RIF1: variants seen among roughly 807,000 people sequenced by gnomAD.
The protein encoded by RIF1 is replication timing regulatory factor 1.
RIF1 carries 45 observed loss-of-function variants against 247.1 expected under a neutral mutation model. That is an observed-to-expected ratio of 0.18 (90% confidence interval 0.14 to 0.23). The LOEUF is 0.23. Ranked by LOEUF, RIF1 falls within the 10% of genes least tolerant of loss-of-function variation. The probability of loss-of-function intolerance (pLI) is 1.00; values close to 1 mark genes in which losing one functional copy is unlikely to be tolerated. For synonymous variants in RIF1, 1,087 were observed against 978.8 expected (o/e 1.11, Z -2.06); for missense variants, 2,967 against 2,862.5 (o/e 1.04, Z -0.83).
At chr2:151,416,528 T>A in intron 4 of RIF1, 33 bp from the exon 5 acceptor site, 2 of 1,559,950 alleles carry the variant, frequency 1.3e-6, no homozygotes, top group Non-Finnish European at 1.7e-6. Flanking sequence ...GTATCACCTA[T>A]TCTATACAAA....
chr2:151,421,633 C>T (rs1688181354), intron 7 of RIF1, among the ~76,000 whole-genome samples: 1 of 152,186 alleles, frequency 6.6e-6, no homozygotes, highest in African/African-American at 2.4e-5. Flanking sequence ...TGGTCTCGAA[C>T]TCCTGGGCTC....
chr2:151,474,995 T>G lies in RIF1; in HGVS notation c.7343T>G (p.Leu2448Arg). ...CAACTATTTGAAATGCACGAGAAAC[T>G]AAGTTGTATGGCAAACTCTGTAATA... ...GSQLFEMHEK[L>R]SCMANSVIKN... The change falls in exon 36 of 36, where the codon CTA (leucine) becomes CGA (arginine). Residue 2448 changes from leucine to arginine, a missense_variant. Around this residue, in one of 7 missense-constraint regions of RIF1, gnomAD observed 151 missense variants for 163.4 expected, o/e 0.92. Coordinates refer to ENST00000444746, the MANE Select transcript of RIF1 (RefSeq NM_018151.5). 1 of 1,613,692 alleles carries G rather than the reference T, an allele frequency of 6.2e-7. No individual in the cohort carries two copies. Among genetic ancestry groups the G allele is most frequent in the Non-Finnish European group, 8.5e-7 (1 of 1,179,672 alleles).
the RIF1 span, chr2:151,531,060 G>T: frequency 1.1e-5 from 18 of 1,613,420 alleles, no homozygotes; most frequent in Middle Eastern, 1.6e-4. Flanking sequence ...TTGTGGTGTA[G>T]CCTCTGGGTT....
chr2:151,426,517 C>T (rs756096357), intron 8 of RIF1, among the ~76,000 whole-genome samples: 3 of 151,824 alleles, frequency 2.0e-5, no homozygotes, highest in East Asian at 1.9e-4. Flanking sequence ...ATTTGACGAT[C>T]GACTTCTTTA....
At chr2:151,414,458 A>G (rs2152094840) in intron 3 of RIF1, among the ~76,000 whole-genome samples, 1 of 152,262 alleles carries the variant, frequency 6.6e-6, no homozygotes, top group East Asian at 1.9e-4. Context: ...CTCCACTCTA[A>G]AGCTAGGATG....
In RIF1 at chr2:151,446,535, C is replaced by G. The variant is rs771600022; in HGVS notation, c.2204C>G (p.Ser735Cys). 6 of 1,613,186 alleles carry G rather than the reference C, an allele frequency of 3.7e-6. No individual in the cohort carries two copies. Among genetic ancestry groups the G allele is most frequent in the East Asian group, 2.2e-5 (1 of 44,864 alleles). Reference protein sequence around the residue: ...AEENLCCEELSSKIMSSLEDE... With the variant: ...AEENLCCEELCSKIMSSLEDE... ...GAGAACTTGTGCTGTGAGGAACTTTCTTCCAAGATAATGTCCAGTTTGGAA... is the reference window on the plus strand; with the variant it reads ...GAGAACTTGTGCTGTGAGGAACTTTGTTCCAAGATAATGTCCAGTTTGGAA... Residue 735 changes from serine to cysteine, a missense_variant, in exon 20 of 36, where the codon TCT becomes TGT. Coordinates refer to ENST00000444746, the MANE Select transcript of RIF1 (RefSeq NM_018151.5).
downstream of RIF1, among the ~76,000 whole-genome samples, chr2:151,482,730 G>A (rs938261735): frequency 1.3e-5 from 2 of 152,158 alleles, no homozygotes; most frequent in Admixed American, 1.3e-4. Flanking sequence ...GTTTCCTAGG[G>A]CTGCTGTAAC....
intron 16 of RIF1, 23 bp downstream of exon 16, chr2:151,442,014 G>A: frequency 1.1e-6 from 1 of 948,352 alleles, no homozygotes; most frequent in Non-Finnish European, 1.5e-6. Context: ...AATGTAATAT[G>A]ATGAAGATTG....
intron 8 of RIF1, among the ~76,000 whole-genome samples, chr2:151,425,144 T>A (rs1233847609): frequency 6.6e-6 from 1 of 152,160 alleles, no homozygotes; most frequent in Non-Finnish European, 1.5e-5. Context: ...TGCATTTCTC[T>A]GATTACTAGT....
rs747873337 is a variant in RIF1 at position 151,503,349 on chromosome 2, C to T, written c.*861+164C>T. 20 of 1,600,084 alleles carry T rather than the reference C, an allele frequency of 1.2e-5. No individual in the cohort carries two copies. The highest frequency in any genetic ancestry group is 4.4e-5 in the South Asian group (4 of 90,254). On this transcript the variant is annotated intron_variant and NMD_transcript_variant, in intron 12 of 13. Coordinates refer to the RIF1 transcript ENST00000454583. ...TCTTATATGATATATTTGTAAATAC[C>T]GAGCTAAAGTTCTCTTGATTGCGTT...
intron 9 of RIF1, chr2:151,493,775 C>T (rs376478761): frequency 2.4e-5 from 37 of 1,559,084 alleles, no homozygotes; most frequent in East Asian, 1.2e-4. Context: ...TCTAAAATAC[C>T]GAGCTAAAGT....
In RIF1 at chr2:151,462,222, TTATA is replaced by T; in HGVS notation, c.3228-15_3228-12del. ...AATATCATCCGGTTTTTGAAGTTAC[TTATA>T]TATAGTTTTTTTCAGGTGTGATATT... On this transcript the variant is annotated splice_polypyrimidine_tract_variant and intron_variant, in intron 27 of 35. Transcript: ENST00000444746. 6.7e-7 allele frequency: 1 copy of T among 1,483,168 alleles called. No individual in the cohort carries two copies. The highest frequency in any genetic ancestry group is 1.3e-5 in the South Asian group (1 of 79,182). 91.9% of individuals were successfully genotyped at this position (1,483,168 alleles called of 1,614,324 possible). A position where few individuals can be genotyped will look rare whatever the true frequency, so the allele number is the denominator to read the frequency against.
At chr2:151,515,518 C>CTGTT in the RIF1 span, among the ~76,000 whole-genome samples, 1 of 152,026 alleles carries the variant, frequency 6.6e-6, no homozygotes, top group African/African-American at 2.4e-5. Flanking sequence ...GAGTTTTGAC[C>CTGTT]TGTTTTTTAA....
At position 151,477,115 on chromosome 2, in the gene RIF1, G is replaced by A. The variant is rs370337138; in HGVS notation, c.*2044G>A. ...TAAAAATATTTGGGAGCAAAGACAA[G>A]CATGCTAAATCTTCATTTTGCTATG... On this transcript the variant is annotated 3_prime_UTR_variant, in exon 36 of 36. Coordinates refer to ENST00000444746, the MANE Select transcript of RIF1 (RefSeq NM_018151.5). 10 of 152,240 alleles carry A rather than the reference G, an allele frequency of 6.6e-5. No homozygotes were observed. In the East Asian group the frequency reaches 1.9e-3, roughly 29 times the overall value. 9.4% of individuals were successfully genotyped at this position (152,240 alleles called of 1,614,324 possible). A position where few individuals can be genotyped will look rare whatever the true frequency, so the allele number is the denominator to read the frequency against.
intron 6 of RIF1, among the ~76,000 whole-genome samples, chr2:151,418,581 C>T (rs1687609337): frequency 6.6e-6 from 1 of 151,894 alleles, no homozygotes; most frequent in Non-Finnish European, 1.5e-5. Context: ...CACAGTGGTT[C>T]AGGCCTGTAA....
downstream of RIF1, chr2:151,512,774 C>G: frequency 6.2e-7 from 1 of 1,613,912 alleles, no homozygotes; most frequent in Non-Finnish European, 8.5e-7. Context: ...TGAATGATCT[C>G]TGGAGTATCA....
In RIF1 at chr2:151,433,168, A is replaced by G. The variant is rs1353009666; in HGVS notation, c.1017A>G (p.Leu339=). The change falls in exon 10 of 36, where the codon CTA becomes CTG. Residue 339 remains leucine (L), a synonymous_variant. Transcript: ENST00000444746. ...VRTETLALTK[L]EVWWYLLMRL... The stretch of plus-strand genomic sequence containing the variant: ...CAGAAACTCTAGCATTAACAAAACT[A>G]GAAGTCTGGTGGTATTTACTGATGA... 2 of 1,613,462 alleles carry G rather than the reference A, an allele frequency of 1.2e-6. No homozygotes were observed. The highest frequency in any genetic ancestry group is 1.7e-6 in the Non-Finnish European group (2 of 1,179,448).
chr2:151,525,368 TC>T, the RIF1 span: 1 of 917,384 alleles, frequency 1.1e-6, no homozygotes, highest in Non-Finnish European at 1.7e-6. Context: ...AAATCCATGC[TC>T]CCCATTTTGG....
the RIF1 span, chr2:151,530,848 C>A: frequency 1.7e-6 from 1 of 593,330 alleles, no homozygotes. Context: ...CTTACCGAAT[C>A]ATGAGCAAAA....
Sources: gnomAD v4.1 joint callset for allele counts (sites outside exome capture counted in the v4.1 genomes callset) on GRCh38, gnomAD v4.1.1 for gene constraint, gnomAD v4.1.1 regional missense constraint, MANE v1.5 for transcripts, NCBI Gene and HGNC (gene_info 2026-07-23, HGNC 2026-07-21) for gene names.